Variants in PCDHGB2 observed in about 807,000 individuals in gnomAD.
PCDHGB2 encodes protocadherin gamma-B2.
Under a neutral mutation model 59.3 loss-of-function variants are expected in PCDHGB2, and 55 were observed. The observed-to-expected ratio is 0.93, with a 90% CI of 0.75 to 1.16. The LOEUF (loss-of-function observed/expected upper bound fraction) is 1.16, where lower values mean the gene tolerates loss of function less well. Ranked by LOEUF, PCDHGB2 falls within the 50% of genes most tolerant of loss-of-function variation. The probability of loss-of-function intolerance (pLI) is 0.00; values close to 1 mark genes in which losing one functional copy is unlikely to be tolerated. For missense variants in PCDHGB2, 1,228 were observed against 1,198.5 expected, an observed-to-expected ratio of 1.02 and a Z score of -0.36; for synonymous variants, 516 against 512.0, an observed-to-expected ratio of 1.01 and a Z score of -0.11.
chr5:141,444,265 A>G (rs1355824197), intron 1 of PCDHGB2, among the ~76,000 whole-genome samples: 3 of 133,712 alleles, frequency 2.2e-5, no homozygotes, highest in Non-Finnish European at 3.1e-5. Flanking sequence ...TCCGCCTCCC[A>G]GGTTCAAGTG....
chr5:141,393,910 T>C, intron 1 of PCDHGB2: 1 of 1,613,998 alleles, frequency 6.2e-7, no homozygotes, highest in Admixed American at 1.7e-5. Flanking sequence ...GGGACAGTAA[T>C]TGCCTTCTTG....
chr5:141,374,734 C>A, intron 1 of PCDHGB2: 1 of 1,610,164 alleles, frequency 6.2e-7, no homozygotes, highest in East Asian at 2.2e-5. Flanking sequence ...CCATGGATGG[C>A]GGCGACCCTG....
chr5:141,479,057 T>A (rs2099487107), intron 1 of PCDHGB2, among the ~76,000 whole-genome samples: 1 of 152,234 alleles, frequency 6.6e-6, no homozygotes, highest in East Asian at 1.9e-4. Context: ...TCTCAGATAA[T>A]TTTTTATGAA....
At chr5:141,389,640 G>A in intron 1 of PCDHGB2, 1 of 1,612,974 alleles carries the variant, frequency 6.2e-7, no homozygotes, top group Non-Finnish European at 8.5e-7. Flanking sequence ...TGGCTACTTG[G>A]TGACCAAGGT....
At chr5:141,381,987 G>A (rs896707419) in intron 1 of PCDHGB2, among the ~76,000 whole-genome samples, 9 of 151,320 alleles carry the variant, frequency 5.9e-5, no homozygotes, top group Non-Finnish European at 1.2e-4. Context: ...GCGCCACCAC[G>A]CCCGGATAAT....
At chr5:141,385,033 C>A in intron 1 of PCDHGB2, 1 of 1,614,182 alleles carries the variant, frequency 6.2e-7, no homozygotes, top group South Asian at 1.1e-5. Flanking sequence ...CCTCGTACTG[C>A]TGGCGCTCAG....
intron 1 of PCDHGB2, among the ~76,000 whole-genome samples, chr5:141,474,788 A>G (rs1426105047): frequency 6.6e-6 from 1 of 152,232 alleles, no homozygotes; most frequent in Non-Finnish European, 1.5e-5. Context: ...AACACTTTAC[A>G]TCTAATGGAG....
intron 1 of PCDHGB2, chr5:141,441,118 G>C (rs1265461098): frequency 6.6e-6 from 1 of 152,212 alleles, no homozygotes; most frequent in Non-Finnish European, 1.5e-5. Flanking sequence ...CCAGTGTACA[G>C]TTGAGACCGA....
chr5:141,473,616 G>A (rs1049605139), intron 1 of PCDHGB2, among the ~76,000 whole-genome samples: 5 of 152,118 alleles, frequency 3.3e-5, no homozygotes, highest in African/African-American at 1.2e-4. Flanking sequence ...GCAAAGGGAG[G>A]GAGGAAAAAG....
intron 1 of PCDHGB2, chr5:141,384,177 T>C (rs1779802926): frequency 6.2e-7 from 1 of 1,613,720 alleles, no homozygotes; most frequent in African/African-American, 1.3e-5. Flanking sequence ...AAGCCACAGA[T>C]GGTGGAACTC....
chr5:141,370,017 C>T lies in PCDHGB2; in HGVS notation c.2421+7461C>T, dbSNP rs1160186023. Among the ~76,000 whole-genome samples the T allele has an allele frequency of 2.0e-5, 3 of 152,276 alleles. No individual in the cohort carries two copies. In the East Asian group the frequency reaches 5.8e-4, roughly 29 times the overall value. On this transcript the variant is annotated intron_variant, in intron 1 of 3. Transcript: ENST00000522605. Reference sequence around the variant, plus strand: ...AGCTCAAATTAAAAGAAATAACAGACTAAAGATATAGTAAGTATATTTAAT... The same window carrying T: ...AGCTCAAATTAAAAGAAATAACAGATTAAAGATATAGTAAGTATATTTAAT...
chr5:141,384,600 C>T, intron 1 of PCDHGB2: 1 of 1,614,248 alleles, frequency 6.2e-7, no homozygotes, highest in Non-Finnish European at 8.5e-7. Flanking sequence ...ACCCGGCCCT[C>T]CCCACAGATG....
At position 141,486,460 on chromosome 5, in the gene PCDHGB2, T is replaced by A. The variant is rs1218788640; in HGVS notation, c.2422-8347T>A. 6.2e-7 allele frequency: 1 copy of A among 1,614,146 alleles called. No individual in the cohort carries two copies. Among genetic ancestry groups the A allele is most frequent in the South Asian group, 1.1e-5 (1 of 91,082 alleles). On this transcript the variant is annotated intron_variant, in intron 1 of 3. Coordinates refer to ENST00000522605, the MANE Select transcript of PCDHGB2 (RefSeq NM_018923.3). The surrounding 1 kb of genome is among the most constrained non-coding windows in gnomAD (Gnocchi z 5.0). Reference sequence around the variant, plus strand: ...ATGACATCATGGTCACTGCTTCTGATGCTGGGAACCCTCCTCTCAGTACCC... The same window carrying A: ...ATGACATCATGGTCACTGCTTCTGAAGCTGGGAACCCTCCTCTCAGTACCC...
chr5:141,476,699 G>C lies in PCDHGB2; in HGVS notation c.2422-18108G>C. 1 of 1,614,222 alleles carries C rather than the reference G, an allele frequency of 6.2e-7. No individual in the cohort carries two copies. The highest frequency in any genetic ancestry group is 8.5e-7 in the Non-Finnish European group (1 of 1,180,042). ...GCGGGAGGACAGCACCAAGTACGCG[G>C]AGCTGGTGTTGGAGCGCGCCCTGGA... is the stretch of plus-strand genomic sequence containing the variant. On this transcript the variant is annotated intron_variant, in intron 1 of 3. Transcript: ENST00000522605. The surrounding 1 kb of genome is among the most constrained non-coding windows in gnomAD (Gnocchi z 7.6).
At chr5:141,395,517 T>G in intron 1 of PCDHGB2, 2 of 415,414 alleles carry the variant, frequency 4.8e-6, no homozygotes, top group Non-Finnish European at 4.3e-6. Context: ...TAGCTACCCG[T>G]CCATACTGGT....
intron 1 of PCDHGB2, chr5:141,394,722 G>A (rs1483795023): frequency 2.5e-6 from 4 of 1,613,314 alleles, no homozygotes; most frequent in Admixed American, 3.3e-5. Flanking sequence ...GGACAGAGAT[G>A]CGCTCAAGCA....
chr5:141,370,807 C>T lies in PCDHGB2; in HGVS notation c.2421+8251C>T. 2 of 1,614,036 alleles carry T rather than the reference C, an allele frequency of 1.2e-6. No homozygotes were observed. Among genetic ancestry groups the T allele is most frequent in the Non-Finnish European group, 1.7e-6 (2 of 1,179,902 alleles). On this transcript the variant is annotated intron_variant, in intron 1 of 3. Coordinates refer to ENST00000522605, the MANE Select transcript of PCDHGB2 (RefSeq NM_018923.3). ...CCACCGACCTTTAGCCAAAATATCA[C>T]TGAGCTGGAAATCAGCGAACTGGCT...
At chr5:141,452,193 G>A (rs764434048) in intron 1 of PCDHGB2, among the ~76,000 whole-genome samples, 3 of 151,990 alleles carry the variant, frequency 2.0e-5, no homozygotes, top group Admixed American at 6.6e-5. Context: ...ACCTCAAATT[G>A]TTTTAGATGT....
chr5:141,427,956 C>T, intron 1 of PCDHGB2: 1 of 1,587,304 alleles, frequency 6.3e-7, no homozygotes, highest in African/African-American at 1.3e-5. Context: ...TGACAATGTG[C>T]CGCGGGTGCT....
Sources: allele counts gnomAD v4.1 joint callset (sites outside exome capture counted in the v4.1 genomes callset), GRCh38; gene constraint gnomAD v4.1.1; non-coding constraint Gnocchi (gnomAD v3.1); transcripts MANE v1.5; gene names NCBI Gene and HGNC (gene_info 2026-07-23, HGNC 2026-07-21).